WDR64: variants seen among roughly 807,000 people sequenced by gnomAD.
The protein encoded by WDR64 is WD repeat-containing protein 64.
A neutral mutation model predicts 139.3 loss-of-function variants in WDR64; 112 were observed. The observed-to-expected ratio is 0.80, with a 90% CI of 0.69 to 0.94. WDR64 has a LOEUF of 0.94. WDR64 is among the 40% of genes least tolerant of loss of function. The pLI, the probability that WDR64 is intolerant of heterozygous loss-of-function variation, is 0.00. For synonymous variants in WDR64, 444 were observed against 437.7 expected, an observed-to-expected ratio of 1.01 and a Z score of -0.18; for missense variants, 1,206 against 1,293.1, an observed-to-expected ratio of 0.93 and a Z score of 1.03.
At chr1:241,727,710 T>G (rs1409674271) in intron 10 of WDR64, among the ~76,000 whole-genome samples, 1 of 152,014 alleles carries the variant, frequency 6.6e-6, no homozygotes, top group African/African-American at 2.4e-5. Flanking sequence ...AAGTAACAAG[T>G]ACATAAGAAA....
intron 5 of WDR64, among the ~76,000 whole-genome samples, chr1:241,678,465 C>T (rs1008109824): frequency 3.3e-5 from 5 of 152,116 alleles, no homozygotes; most frequent in African/African-American, 9.7e-5. Flanking sequence ...TCCTTGGAAG[C>T]TTCAATTTAA....
Position 241,681,880 on chromosome 1 carries a change from C to T in WDR64, c.625-1607C>T, listed in dbSNP as rs115990945. On this transcript the variant is annotated intron_variant, in intron 6 of 27. Coordinates refer to ENST00000437684, the MANE Select transcript of WDR64 (RefSeq NM_001367482.1). ...TGCATTTTCCTGATCATTAATTTGACGCTGATCATTTTTTTCCATATTTTT... is the reference window on the plus strand; with the variant it reads ...TGCATTTTCCTGATCATTAATTTGATGCTGATCATTTTTTTCCATATTTTT... Among the ~76,000 whole-genome samples, 344 of 152,064 alleles carry T rather than the reference C, an allele frequency of 2.3e-3. 1 individual carries two copies. The highest frequency in any genetic ancestry group is 3.2e-3 in the Non-Finnish European group (214 of 67,924).
In WDR64 at chr1:241,729,553, C is replaced by A. The variant is rs113073794; in HGVS notation, c.1194+6117C>A. 3.7e-3 allele frequency among the ~76,000 whole-genome samples: 569 copies of A among 152,318 alleles called. 3 individuals are homozygous for A. Among genetic ancestry groups the A allele is most frequent in the African/African-American group, 0.013 (543 of 41,588 alleles). Reference sequence around the variant, plus strand: ...GCCTTACCAAATTCTTCTCCAAAGGCTTTGTGCATTCCCGTCTTTGTCTGA... The same window carrying A: ...GCCTTACCAAATTCTTCTCCAAAGGATTTGTGCATTCCCGTCTTTGTCTGA... On this transcript the variant is annotated intron_variant, in intron 10 of 27. Transcript: ENST00000437684.
chr1:241,728,948 G>GA (rs1381381809), intron 10 of WDR64, among the ~76,000 whole-genome samples: 1 of 151,962 alleles, frequency 6.6e-6, no homozygotes, highest in Admixed American at 6.6e-5. Context: ...AGAAACCTGA[G>GA]AAAAGGCAGT....
intron 10 of WDR64, among the ~76,000 whole-genome samples, chr1:241,733,931 C>T (rs1320532643): frequency 6.6e-6 from 1 of 152,084 alleles, no homozygotes; most frequent in Non-Finnish European, 1.5e-5. Context: ...ACACTGACAA[C>T]CTCTAGGGGA....
intron 2 of WDR64, among the ~76,000 whole-genome samples, chr1:241,662,781 G>A (rs1665879391): frequency 2.0e-5 from 3 of 152,082 alleles, no homozygotes; most frequent in African/African-American, 7.2e-5. Flanking sequence ...ATTTATTGCT[G>A]AAATACTGGA....
At chr1:241,728,472 CA>C (rs1668940276) in intron 10 of WDR64, among the ~76,000 whole-genome samples, 1 of 152,170 alleles carries the variant, frequency 6.6e-6, no homozygotes, top group Non-Finnish European at 1.5e-5. Flanking sequence ...GCTTTCATCA[CA>C]TTAAGCAGAA....
intron 15 of WDR64, among the ~76,000 whole-genome samples, chr1:241,757,954 G>A (rs960590039): frequency 1.3e-5 from 2 of 152,016 alleles, no homozygotes; most frequent in African/African-American, 4.8e-5. Flanking sequence ...TTCATTCAGT[G>A]TTCAAATTTT....
chr1:241,787,198 CAAA>C (rs67336689), intron 23 of WDR64, among the ~76,000 whole-genome samples: 10 of 128,232 alleles, frequency 7.8e-5, no homozygotes, highest in Admixed American at 7.8e-5. Flanking sequence ...ACTAAAAATA[CAAA>C]AAAAAAAAAA....
intron 8 of WDR64, among the ~76,000 whole-genome samples, chr1:241,695,792 A>C (rs1200527905): frequency 6.6e-6 from 1 of 152,092 alleles, no homozygotes; most frequent in Non-Finnish European, 1.5e-5. Flanking sequence ...GCCTATTGCC[A>C]ATGCTAAGAT....
At chr1:241,749,778 T>C in intron 14 of WDR64, 56 bp downstream of exon 14, 1 of 1,577,824 alleles carries the variant, frequency 6.3e-7, no homozygotes. Flanking sequence ...GAAAATCAAA[T>C]GAGTCAGTGG....
chr1:241,686,348 G>A (rs930216046), intron 7 of WDR64, among the ~76,000 whole-genome samples: 2 of 152,186 alleles, frequency 1.3e-5, no homozygotes, highest in Non-Finnish European at 2.9e-5. Flanking sequence ...ATTAAAGAAA[G>A]AAGTAGCCAG....
At chr1:241,698,009 C>G (rs1240787023) in intron 8 of WDR64, among the ~76,000 whole-genome samples, 1 of 152,096 alleles carries the variant, frequency 6.6e-6, no homozygotes, top group African/African-American at 2.4e-5. Flanking sequence ...ACATTCTATC[C>G]TCTTCTTGGG....
rs1553362800 is a variant in WDR64, at chr1:241,674,265, T to TTC, written c.380-378_380-377insCT. 4.9e-5 allele frequency among the ~76,000 whole-genome samples: 7 copies of TTC among 143,080 alleles called. 1 individual carries two copies. Among genetic ancestry groups the TTC allele is most frequent in the Non-Finnish European group, 1.1e-4 (7 of 65,124 alleles). 93.9% of individuals were successfully genotyped at this position (143,080 alleles called of 152,430 possible). A position where few individuals can be genotyped will look rare whatever the true frequency, so the allele number is the denominator to read the frequency against. The stretch of plus-strand genomic sequence containing the variant: ...GTTTATCTTTTTTTTTCTTTTCTTT[T>TTC]TTTTTTTTTTTGAGACAGGGTCTCG... On this transcript the variant is annotated intron_variant, in intron 3 of 27. Coordinates refer to ENST00000437684, the MANE Select transcript of WDR64 (RefSeq NM_001367482.1).
At chr1:241,754,444 C>T (rs1234002110) in intron 14 of WDR64, among the ~76,000 whole-genome samples, 5 of 151,356 alleles carry the variant, frequency 3.3e-5, no homozygotes, top group Admixed American at 2.0e-4. Flanking sequence ...CTCAGCCTCC[C>T]GAGTAGCTGG....
chr1:241,800,483 CAAAACA>C (rs1047006111), intron 27 of WDR64, among the ~76,000 whole-genome samples: 60 of 152,148 alleles, frequency 3.9e-4, no homozygotes, highest in African/African-American at 1.4e-3. Flanking sequence ...ATAATCAATG[CAAAACA>C]AACTTTTATT....
intron 11 of WDR64, 145 bp downstream of exon 11, chr1:241,738,634 T>C (rs1258195106): frequency 1.2e-6 from 1 of 829,474 alleles, no homozygotes; most frequent in Admixed American, 3.3e-5. Flanking sequence ...AGATATTTAA[T>C]TCAATTCTGC....
chr1:241,660,410 T>C, intron 1 of WDR64, 120 bp from the exon 2 acceptor site: 4 of 1,269,182 alleles, frequency 3.2e-6, no homozygotes, highest in South Asian at 1.5e-5. Flanking sequence ...AATGCAAATA[T>C]ATCTGGTTTT....
At chr1:241,782,218 G>A (rs1246591201) in intron 22 of WDR64, among the ~76,000 whole-genome samples, 1 of 152,240 alleles carries the variant, frequency 6.6e-6, no homozygotes, top group Non-Finnish European at 1.5e-5. Context: ...AAGCCAGGAG[G>A]CAGAGGTTGC....
Sources: allele counts gnomAD v4.1 joint callset (sites outside exome capture counted in the v4.1 genomes callset), GRCh38; gene constraint gnomAD v4.1.1; transcripts MANE v1.5; gene names NCBI Gene and HGNC (gene_info 2026-07-23, HGNC 2026-07-21).